Variants in ZNF469 observed in about 807,000 individuals in gnomAD.
The protein encoded by ZNF469 is zinc finger protein 469.
In ZNF469, 1 loss-of-function variant was observed where a neutral mutation model predicts 1.0. That is an observed-to-expected ratio of 1.00 (90% confidence interval 0.35 to 4.73). The LOEUF is 4.73. Among genes scored for constraint, ZNF469 ranks in the 30% most tolerant of loss-of-function variants. The pLI is 0.16. For missense variants in ZNF469, 6,100 were observed against 5,356.3 expected, an observed-to-expected ratio of 1.14 and a Z score of -4.33; for synonymous variants, 2,703 against 2,363.4, an observed-to-expected ratio of 1.14 and a Z score of -4.17.
chr16:88,128,427 T>G, the ZNF469 span, among the ~76,000 whole-genome samples: 2 of 152,206 alleles, frequency 1.3e-5, no homozygotes, highest in Non-Finnish European at 2.9e-5. Context: ...TGAATTATTA[T>G]TTTTTGCTGT....
the ZNF469 span, among the ~76,000 whole-genome samples, chr16:88,237,860 C>G: frequency 1.3e-5 from 2 of 152,144 alleles, no homozygotes; most frequent in African/African-American, 2.4e-5. Context: ...CCGGCAGCTG[C>G]TGATCTTTCT....
the ZNF469 span, among the ~76,000 whole-genome samples, chr16:88,298,348 A>C: frequency 6.6e-6 from 1 of 152,150 alleles, no homozygotes; most frequent in African/African-American, 2.4e-5. Context: ...AGCTGTGCAC[A>C]AGGGAGTCTC....
At chr16:88,230,991 G>A in the ZNF469 span, among the ~76,000 whole-genome samples, 1 of 152,146 alleles carries the variant, frequency 6.6e-6, no homozygotes, top group African/African-American at 2.4e-5. Flanking sequence ...CACACGGCTG[G>A]AACTCTAAAA....
chr16:88,434,308 A>T lies in ZNF469; in HGVS notation c.6838A>T (p.Ser2280Cys). 1 of 1,550,306 alleles carries T rather than the reference A, an allele frequency of 6.5e-7. No individual in the cohort carries two copies. Among genetic ancestry groups the T allele is most frequent in the Non-Finnish European group, 8.7e-7 (1 of 1,146,954 alleles). Residue 2280 changes from serine (S) to cysteine (C), a missense_variant, in exon 3 of 3, where the codon AGC (serine) becomes TGC (cysteine). Physicochemically the swap from Ser to Cys is moderately radical, Grantham distance 112. Coordinates refer to ENST00000565624, the MANE Select transcript of ZNF469 (RefSeq NM_001367624.2). ...TCCTCTGGCAGGGGCCGTCTCCCCC[A>T]GCGTGGCCGTCAGGGCTACTGGCCT... ...SPPLAGAVSPSVAVRATGLSS... is the reference protein window; with the variant it reads ...SPPLAGAVSPCVAVRATGLSS...
the ZNF469 span, among the ~76,000 whole-genome samples, chr16:88,248,210 T>G: frequency 2.6e-5 from 4 of 152,164 alleles, no homozygotes; most frequent in South Asian, 8.3e-4. Flanking sequence ...ACTCTTAGGG[T>G]GAGAGAGCTT....
At chr16:88,341,142 C>G in the ZNF469 span, among the ~76,000 whole-genome samples, 1 of 152,216 alleles carries the variant, frequency 6.6e-6, no homozygotes, top group Non-Finnish European at 1.5e-5. Flanking sequence ...CTCTGTCACA[C>G]ATCTCTACCT....
chr16:88,397,566 A>T (rs934066392), intron 1 of ZNF469, among the ~76,000 whole-genome samples: 2 of 152,194 alleles, frequency 1.3e-5, no homozygotes, highest in African/African-American at 4.8e-5. Context: ...CTGAATATTT[A>T]TAAGGCATAT....
At chr16:88,212,197 C>T in the ZNF469 span, among the ~76,000 whole-genome samples, 1 of 152,120 alleles carries the variant, frequency 6.6e-6, no homozygotes, top group African/African-American at 2.4e-5. Flanking sequence ...GTCTAATAGT[C>T]TCACTGAGCT....
At chr16:88,221,430 G>A in the ZNF469 span, among the ~76,000 whole-genome samples, 1 of 152,218 alleles carries the variant, frequency 6.6e-6, no homozygotes, top group Admixed American at 6.5e-5. Flanking sequence ...TTCACATGCA[G>A]GCAGCTCCCC....
the ZNF469 span, among the ~76,000 whole-genome samples, chr16:88,351,335 CCTT>C: frequency 6.6e-6 from 1 of 152,154 alleles, no homozygotes; most frequent in Non-Finnish European, 1.5e-5. Context: ...GTTTCTGAGA[CCTT>C]CTTCTGCCCC....
At chr16:88,352,911 C>T in the ZNF469 span, among the ~76,000 whole-genome samples, 6 of 152,180 alleles carry the variant, frequency 3.9e-5, no homozygotes, top group South Asian at 4.1e-4. Context: ...GGGTCCCCTC[C>T]GTTGGAGAGG....
At chr16:88,192,347 G>C in the ZNF469 span, 1 of 152,194 alleles carries the variant, frequency 6.6e-6, no homozygotes, top group African/African-American at 2.4e-5. Context: ...AAAGAAGTCT[G>C]AGCCAGGTAG....
the ZNF469 span, among the ~76,000 whole-genome samples, chr16:88,145,589 A>G: frequency 6.6e-6 from 1 of 152,308 alleles, no homozygotes; most frequent in East Asian, 1.9e-4. Context: ...GGTCTTCCAA[A>G]TGGCTTCTAA....
chr16:88,276,964 C>T, the ZNF469 span, among the ~76,000 whole-genome samples: 38 of 151,104 alleles, frequency 2.5e-4, no homozygotes, highest in Non-Finnish European at 4.6e-4. Flanking sequence ...GTTAGTGCTG[C>T]GCCACGCCAA....
At position 88,437,568 on chromosome 16, in the gene ZNF469, G is replaced by C. The variant is rs1418574388; in HGVS notation, c.10098G>C (p.Leu3366=). The change falls in exon 3 of 3, where the codon CTG becomes CTC. Residue 3366 remains leucine (L), a synonymous_variant. Transcript: ENST00000565624. ...TGCACAGCCCGCAGCGCGTCTACCT[G>C]TGCCCCCGGTGCCCCCGGGTCTACC... ...LAVHSPQRVY[L]CPRCPRVYPE... The C allele has an allele frequency of 2.0e-6, 3 of 1,536,290 alleles. No homozygotes were observed. The highest frequency in any genetic ancestry group is 2.6e-6 in the Non-Finnish European group (3 of 1,137,028).
In ZNF469 at chr16:88,436,689, C is replaced by T. The variant is rs1906601977; in HGVS notation, c.9219C>T (p.Pro3073=). Reference sequence around the variant, plus strand: ...AAGACCCCGTGGGTCTCCCCGGCCCCAGCTTCTTAGACTTCGAGGGCACGG... The same window carrying T: ...AAGACCCCGTGGGTCTCCCCGGCCCTAGCTTCTTAGACTTCGAGGGCACGG... ...PFEDPVGLPG[P]SFLDFEGTAS... The change falls in exon 3 of 3, where the codon CCC becomes CCT. Residue 3073 remains proline, a synonymous_variant. Transcript: ENST00000565624. 6.5e-7 allele frequency: 1 copy of T among 1,550,254 alleles called. No homozygotes were observed. The highest frequency in any genetic ancestry group is 8.7e-7 in the Non-Finnish European group (1 of 1,146,884).
At chr16:88,166,675 G>A in the ZNF469 span, among the ~76,000 whole-genome samples, 1 of 151,978 alleles carries the variant, frequency 6.6e-6, no homozygotes, top group Non-Finnish European at 1.5e-5. The surrounding 1 kb of genome is among the most constrained non-coding windows in gnomAD (Gnocchi z 4.5). Flanking sequence ...CCCATCGATA[G>A]CGCCACTGGG....
At chr16:88,171,677 G>C in the ZNF469 span, among the ~76,000 whole-genome samples, 1 of 152,194 alleles carries the variant, frequency 6.6e-6, no homozygotes, top group Non-Finnish European at 1.5e-5. Flanking sequence ...ATTGTAGAGA[G>C]TTTATAAATG....
the ZNF469 span, among the ~76,000 whole-genome samples, chr16:88,277,446 C>A: frequency 1.4e-5 from 2 of 146,210 alleles, no homozygotes; most frequent in African/African-American, 2.6e-5. Flanking sequence ...ACCACACTGA[C>A]GCTTGGTCAG....
Sources: gnomAD v4.1 joint callset for allele counts (sites outside exome capture counted in the v4.1 genomes callset) on GRCh38, gnomAD v4.1.1 for gene constraint, Gnocchi (gnomAD v3.1) non-coding constraint, MANE v1.5 for transcripts, NCBI Gene and HGNC (gene_info 2026-07-23, HGNC 2026-07-21) for gene names.